TMEM8B: variants seen among roughly 807,000 people sequenced by gnomAD.
TMEM8B encodes transmembrane protein 8B.
In TMEM8B, 29 loss-of-function variants were observed where a neutral mutation model predicts 49.3. The observed-to-expected ratio is 0.59, with a 90% CI of 0.44 to 0.80. The LOEUF is 0.80. Ranked by LOEUF, TMEM8B falls within the 30% of genes least tolerant of loss-of-function variation. The pLI, the probability that TMEM8B is intolerant of heterozygous loss-of-function variation, is 0.00. For synonymous variants in TMEM8B, 264 were observed against 272.8 expected, an observed-to-expected ratio of 0.97 and a Z score of 0.32; for missense variants, 575 against 658.5, an observed-to-expected ratio of 0.87 and a Z score of 1.39.
chr9:35,836,000 T>C (rs2132248318), intron 3 of TMEM8B, among the ~76,000 whole-genome samples: 1 of 152,296 alleles, frequency 6.6e-6, no homozygotes, highest in Non-Finnish European at 1.5e-5. Flanking sequence ...CTGGCTGTTG[T>C]CAGAGTGGGA....
rs1359375292 is a variant in TMEM8B, at chr9:35,858,435, C to T, written c.*4595C>T. ...ACATGCAAACTTCTCTGTGGCCAAC[C>T]CTAACCCACACCCTCTAACCTAGTT... is the stretch of plus-strand genomic sequence containing the variant. On this transcript the variant is annotated 3_prime_UTR_variant, in exon 13 of 13. Coordinates refer to ENST00000643932, the MANE Select transcript of TMEM8B (RefSeq NM_001042590.4). 1 of 152,314 alleles carries T rather than the reference C, an allele frequency of 6.6e-6. No homozygotes were observed. Among genetic ancestry groups the T allele is most frequent in the Non-Finnish European group, 1.5e-5 (1 of 68,146 alleles). The allele number at this position is 152,314 out of a possible 1,614,324, so 9.4% of individuals were successfully genotyped here. A position where few individuals can be genotyped will look rare whatever the true frequency, so the allele number is the denominator to read the frequency against.
At position 35,854,103 on chromosome 9, in the gene TMEM8B, C is replaced by T. The variant is rs1588190860; in HGVS notation, c.*263C>T. On this transcript the variant is annotated 3_prime_UTR_variant, in exon 13 of 13. Transcript: ENST00000643932. Reference sequence around the variant, plus strand: ...CAGAGTCCCTCAGGACCAAGGAGTCCCTCCTGCAGGTGTGGAGCCTTTCCT... The same window carrying T: ...CAGAGTCCCTCAGGACCAAGGAGTCTCTCCTGCAGGTGTGGAGCCTTTCCT... 1 of 1,086,458 alleles carries T rather than the reference C, an allele frequency of 9.2e-7. No individual in the cohort carries two copies. The highest frequency in any genetic ancestry group is 3.4e-5 in the East Asian group (1 of 29,218). The allele number at this position is 1,086,458 out of a possible 1,614,324, so 67.3% of individuals were successfully genotyped here. A position where few individuals can be genotyped will look rare whatever the true frequency, so the allele number is the denominator to read the frequency against.
Position 35,841,915 on chromosome 9 carries a change from C to T in TMEM8B, c.1309+121C>T, listed in dbSNP as rs981203241. ...CAACCTCCCCTCCCCATCCCAAGCT[C>T]CTTCATGCTCCCTGAAGCCATCACA... On this transcript the variant is annotated intron_variant, in intron 5 of 12. Transcript: ENST00000643932. The surrounding 1 kb of genome is among the most constrained non-coding windows in gnomAD (Gnocchi z 5.9). 1.9e-5 allele frequency: 8 copies of T among 410,266 alleles called. No homozygotes were observed. The highest frequency in any genetic ancestry group is 1.6e-4 in the African/African-American group (8 of 48,684). The allele number at this position is 410,266 out of a possible 1,614,324, so 25.4% of individuals were successfully genotyped here. A position where few individuals can be genotyped will look rare whatever the true frequency, so the allele number is the denominator to read the frequency against.
intron 1 of TMEM8B, among the ~76,000 whole-genome samples, chr9:35,831,961 G>A (rs1016154353): frequency 6.6e-6 from 1 of 152,196 alleles, no homozygotes; most frequent in Non-Finnish European, 1.5e-5. Flanking sequence ...GCACAGGGCT[G>A]CACAGTGCTT....
In TMEM8B at chr9:35,858,789, C is replaced by T. The variant is rs563200726; in HGVS notation, c.*4949C>T. 2 of 152,350 alleles carry T rather than the reference C, an allele frequency of 1.3e-5. No individual in the cohort carries two copies. The highest frequency in any genetic ancestry group is 4.1e-4 in the South Asian group (2 of 4,830). 9.4% of individuals were successfully genotyped at this position (152,350 alleles called of 1,614,324 possible). On this transcript the variant is annotated 3_prime_UTR_variant, in exon 13 of 13. Transcript: ENST00000643932. Reference sequence around the variant, plus strand: ...ACTTCTGAGTAGAAGCTTTAAGAGTCAGTGTAGGCTTTGTTACTTTCCCTT... The same window carrying T: ...ACTTCTGAGTAGAAGCTTTAAGAGTTAGTGTAGGCTTTGTTACTTTCCCTT...
At chr9:35,838,934 C>T (rs1830704569) in intron 3 of TMEM8B, among the ~76,000 whole-genome samples, 1 of 152,254 alleles carries the variant, frequency 6.6e-6, no homozygotes, top group Non-Finnish European at 1.5e-5. Context: ...TCTAGCACAG[C>T]TTCTCTGCTT....
In TMEM8B at chr9:35,842,691, C is replaced by T. The variant is rs761805509; in HGVS notation, c.1609C>T (p.Leu537Phe). The T allele has an allele frequency of 9.3e-6, 15 of 1,613,468 alleles. No individual in the cohort carries two copies. In the African/African-American group the frequency reaches 1.9e-4, roughly 20 times the overall value. Residue 537 changes from leucine to phenylalanine, a missense_variant, in exon 6 of 13, where the codon CTC (leucine) becomes TTC (phenylalanine). Coordinates refer to ENST00000643932, the MANE Select transcript of TMEM8B (RefSeq NM_001042590.4). This position sits in a 1 kb window ranked among gnomAD's most constrained non-coding sequence, Gnocchi z 5.6. The part of the protein sequence containing the change: ...LLPVLDSGGV[L>F]SLELQLNASS... ...GCCAGTGCTGGACAGTGGAGGCGTCCTCAGCCTGGAGCTCCAGCTCAATGC... is the reference window on the plus strand; with the variant it reads ...GCCAGTGCTGGACAGTGGAGGCGTCTTCAGCCTGGAGCTCCAGCTCAATGC...
In TMEM8B at chr9:35,841,403, G is replaced by C. The variant is rs1459403843; in HGVS notation, c.1041-123G>C. 2 of 411,314 alleles carry C rather than the reference G, an allele frequency of 4.9e-6. No homozygotes were observed. Among genetic ancestry groups the C allele is most frequent in the Non-Finnish European group, 8.8e-6 (2 of 226,920 alleles). The allele number at this position is 411,314 out of a possible 1,614,324, so 25.5% of individuals were successfully genotyped here. A position where few individuals can be genotyped will look rare whatever the true frequency, so the allele number is the denominator to read the frequency against. ...CCCTGCCTCCCTCCCTCCCAGCACA[G>C]AGCGGGAGACCTGAACAGGCCTCCT... On this transcript the variant is annotated intron_variant, in intron 4 of 12. Transcript: ENST00000643932. The surrounding 1 kb of genome is among the most constrained non-coding windows in gnomAD (Gnocchi z 5.9).
intron 3 of TMEM8B, 117 bp downstream of exon 3, chr9:35,835,335 G>A: frequency 5.0e-6 from 2 of 402,576 alleles, no homozygotes; most frequent in South Asian, 1.4e-4. Flanking sequence ...CAGCACAAGG[G>A]TGGCTGGGGC....
intron 6 of TMEM8B, chr9:35,845,764 A>G: frequency 2.0e-6 from 2 of 985,454 alleles, no homozygotes; most frequent in Non-Finnish European, 2.4e-6. Context: ...CCGTCTCATC[A>G]GTCCTTGAAA....
At position 35,835,116 on chromosome 9, in the gene TMEM8B, G is replaced by A; in HGVS notation, c.804G>A (p.Leu268=). The A allele has an allele frequency of 2.4e-6, 1 of 415,828 alleles. No individual in the cohort carries two copies. Among genetic ancestry groups the A allele is most frequent in the Non-Finnish European group, 4.4e-6 (1 of 226,486 alleles). 25.8% of individuals were successfully genotyped at this position (415,828 alleles called of 1,614,324 possible). A position where few individuals can be genotyped will look rare whatever the true frequency, so the allele number is the denominator to read the frequency against. The change falls in exon 3 of 13, where the codon CTG becomes CTA. Residue 268 remains leucine (L), a synonymous_variant. Coordinates refer to ENST00000643932, the MANE Select transcript of TMEM8B (RefSeq NM_001042590.4). The part of the protein sequence containing the change: ...GVFSLTLSWT[L]PNRTSGIFNV... ...TCTCACTGACCCTCAGCTGGACACT[G>A]CCCAACCGCACCTCAGGCATCTTTA...
rs370641807 is a variant in TMEM8B, at chr9:35,853,566, A to G, written c.2501A>G (p.Tyr834Cys). The G allele has an allele frequency of 1.9e-6, 3 of 1,613,972 alleles. No homozygotes were observed. The highest frequency in any genetic ancestry group is 1.1e-5 in the South Asian group (1 of 91,088). Residue 834 changes from tyrosine to cysteine, a missense_variant, in exon 13 of 13, where the codon TAC becomes TGC. Transcript: ENST00000643932. This position sits in a 1 kb window ranked among gnomAD's most constrained non-coding sequence, Gnocchi z 4.2. ...YPPTWRRWLF[Y>C]LCPGSLIAGS... ...CCCACGTGGCGCCGCTGGCTTTTCTACTTGTGCCCTGGCAGCCTTATTGCA... is the reference window on the plus strand; with the variant it reads ...CCCACGTGGCGCCGCTGGCTTTTCTGCTTGTGCCCTGGCAGCCTTATTGCA...
In TMEM8B at chr9:35,861,834, AT is replaced by A. The variant is rs1430942394; in HGVS notation, c.*7995del. On this transcript the variant is annotated 3_prime_UTR_variant, in exon 13 of 13. Transcript: ENST00000643932. ...TCCTCTATCTACAGGTTCCTGCTCC[AT>A]CTATACTAGCCACCTCCTGGACAAG... The A allele has an allele frequency of 6.6e-6, 1 of 152,196 alleles. No individual in the cohort carries two copies. Among genetic ancestry groups the A allele is most frequent in the Non-Finnish European group, 1.5e-5 (1 of 68,052 alleles). 9.4% of individuals were successfully genotyped at this position (152,196 alleles called of 1,614,324 possible).
At chr9:35,850,625 G>A (rs1320647721) in intron 10 of TMEM8B, among the ~76,000 whole-genome samples, 1 of 152,156 alleles carries the variant, frequency 6.6e-6, no homozygotes, top group Non-Finnish European at 1.5e-5. Flanking sequence ...CCACTCTAGA[G>A]ATAATATCTC....
chr9:35,864,056 C>T lies in TMEM8B; in HGVS notation c.*10216C>T, dbSNP rs1832693213. ...ACGCCTCTTGAGAAGCAGAGTGATGCCTAGAATGAGCCCTGGACTGGGAGG... is the reference window on the plus strand; with the variant it reads ...ACGCCTCTTGAGAAGCAGAGTGATGTCTAGAATGAGCCCTGGACTGGGAGG... On this transcript the variant is annotated 3_prime_UTR_variant, in exon 13 of 13. Coordinates refer to ENST00000643932, the MANE Select transcript of TMEM8B (RefSeq NM_001042590.4). 6.6e-6 allele frequency: 1 copy of T among 152,152 alleles called. No individual in the cohort carries two copies. The highest frequency in any genetic ancestry group is 6.6e-5 in the Admixed American group (1 of 15,264). The allele number at this position is 152,152 out of a possible 1,614,324, so 9.4% of individuals were successfully genotyped here. A position where few individuals can be genotyped will look rare whatever the true frequency, so the allele number is the denominator to read the frequency against.
At position 35,846,463 on chromosome 9, in the gene TMEM8B, G is replaced by A. The variant is rs1229060908; in HGVS notation, c.1854-6G>A. 6 of 1,598,172 alleles carry A rather than the reference G, an allele frequency of 3.8e-6. No individual in the cohort carries two copies. In the African/African-American group the frequency reaches 6.7e-5, roughly 18 times the overall value. ...GGGCCCCAGGTGACTGCGAGTTTGT[G>A]CGCAGGTTCGTGCGGTGCCGCAACG... On this transcript the variant is annotated splice_region_variant and splice_polypyrimidine_tract_variant and intron_variant, in intron 8 of 12. Coordinates refer to ENST00000643932, the MANE Select transcript of TMEM8B (RefSeq NM_001042590.4).
intron 3 of TMEM8B, among the ~76,000 whole-genome samples, chr9:35,839,380 T>C (rs931598784): frequency 6.6e-6 from 1 of 152,214 alleles, no homozygotes; most frequent in African/African-American, 2.4e-5. Flanking sequence ...TCACCTGGTG[T>C]CTGCCCTGGC....
Position 35,853,405 on chromosome 9 carries a change from T to C in TMEM8B, c.2440-100T>C, listed in dbSNP as rs1832332447. The C allele has an allele frequency of 6.6e-7, 1 of 1,512,008 alleles. No individual in the cohort carries two copies. Among genetic ancestry groups the C allele is most frequent in the Admixed American group, 1.9e-5 (1 of 53,030 alleles). 93.7% of individuals were successfully genotyped at this position (1,512,008 alleles called of 1,614,324 possible). A position where few individuals can be genotyped will look rare whatever the true frequency, so the allele number is the denominator to read the frequency against. ...CCGCTCCAGTCTTGGCAGGTGTCTT[T>C]AGGTCACAACCAGGATACAGAGGAA... On this transcript the variant is annotated intron_variant, in intron 12 of 12. Transcript: ENST00000643932. The surrounding 1 kb of genome is among the most constrained non-coding windows in gnomAD (Gnocchi z 4.2).
intron 6 of TMEM8B, chr9:35,845,758 C>CAATTT: frequency 1.0e-6 from 1 of 985,314 alleles, no homozygotes; most frequent in Non-Finnish European, 1.2e-6. Flanking sequence ...GCCTTGCCGT[C>CAATTT]TCATCAGTCC....
Sources: gnomAD v4.1 joint callset for allele counts (sites outside exome capture counted in the v4.1 genomes callset) on GRCh38, gnomAD v4.1.1 for gene constraint, Gnocchi (gnomAD v3.1) non-coding constraint, MANE v1.5 for transcripts, NCBI Gene and HGNC (gene_info 2026-07-23, HGNC 2026-07-21) for gene names.